ELMO1: variants seen among roughly 807,000 people sequenced by gnomAD.
The protein encoded by ELMO1 is engulfment and cell motility protein 1.
A neutral mutation model predicts 98.9 loss-of-function variants in ELMO1; 26 were observed. That is an observed-to-expected ratio of 0.26 (90% CI 0.19 to 0.36). The LOEUF is 0.36. Among genes scored for constraint, ELMO1 ranks in the 10% least tolerant of loss-of-function variants. ELMO1 has a pLI of 1.00. For missense variants in ELMO1, 627 were observed against 935.2 expected (o/e 0.67, Z 4.30); for synonymous variants, 346 against 346.0 (o/e 1.00, Z 0.00).
At chr7:37,388,371 G>T (rs1802905791) in intron 1 of ELMO1, among the ~76,000 whole-genome samples, 1 of 150,710 alleles carries the variant, frequency 6.6e-6, no homozygotes, top group African/African-American at 2.4e-5. Flanking sequence ...GTACAGTGTT[G>T]TAATAAGTAA....
chr7:36,929,094 T>G (rs1022263883), intron 16 of ELMO1, among the ~76,000 whole-genome samples: 1 of 152,242 alleles, frequency 6.6e-6, no homozygotes, highest in Non-Finnish European at 1.5e-5. Flanking sequence ...GGCTAGCAAG[T>G]AGCAGACTCT....
Position 36,870,471 on chromosome 7 carries a change from C to T in ELMO1, c.1827G>A (p.Pro609=), listed in dbSNP as rs1358304864. The T allele has an allele frequency of 1.4e-5, 22 of 1,613,446 alleles. No homozygotes were observed. Among genetic ancestry groups the T allele is most frequent in the South Asian group, 2.2e-5 (2 of 90,996 alleles). ...TCACCACGGCTTTGATATCTGCCAC[C>T]GGCACTGCAATTCATAAAAGAAAAT... The part of the protein sequence containing the change: ...VPHDSLQDKL[P]VADIKAVVTG... The change falls in exon 20 of 22, where the codon CCG becomes CCA. Residue 609 remains proline (P), a synonymous_variant. Coordinates refer to ENST00000310758, the MANE Select transcript of ELMO1 (RefSeq NM_014800.11). The surrounding 1 kb of genome is among the most constrained non-coding windows in gnomAD (Gnocchi z 4.4).
At chr7:37,005,996 A>C (rs894258405) in intron 16 of ELMO1, among the ~76,000 whole-genome samples, 3 of 152,162 alleles carry the variant, frequency 2.0e-5, no homozygotes, top group African/African-American at 7.2e-5. Context: ...GAGGAATCTG[A>C]AGCCAGCAGA....
chr7:37,104,391 G>A (rs763787042), intron 14 of ELMO1, among the ~76,000 whole-genome samples: 1 of 152,068 alleles, frequency 6.6e-6, no homozygotes, highest in Non-Finnish European at 1.5e-5. Context: ...GCTGCTGGGA[G>A]GCTCCCCTAG....
intron 1 of ELMO1, among the ~76,000 whole-genome samples, chr7:37,417,489 C>T (rs928065854): frequency 2.6e-5 from 4 of 152,082 alleles, no homozygotes; most frequent in African/African-American, 7.2e-5. Flanking sequence ...TGAAACCCTG[C>T]CTCTACTAAA....
chr7:37,108,394 A>AC (rs1446679230), intron 14 of ELMO1, among the ~76,000 whole-genome samples: 2 of 152,020 alleles, frequency 1.3e-5, no homozygotes, highest in Non-Finnish European at 2.9e-5. Flanking sequence ...TCCAGATGTC[A>AC]CTTTCTCCAT....
At chr7:36,889,540 T>C (rs1805371454) in intron 17 of ELMO1, among the ~76,000 whole-genome samples, 1 of 152,200 alleles carries the variant, frequency 6.6e-6, no homozygotes. Context: ...GAGAAAGAGT[T>C]TTGGAATTTC....
At chr7:36,934,426 C>A (rs2129087339) in intron 16 of ELMO1, among the ~76,000 whole-genome samples, 1 of 152,286 alleles carries the variant, frequency 6.6e-6, no homozygotes, top group East Asian at 1.9e-4. Flanking sequence ...GTCCCCTCTC[C>A]CGGCACATAG....
chr7:37,149,692 C>G (rs1306046553), intron 13 of ELMO1, among the ~76,000 whole-genome samples: 2 of 152,074 alleles, frequency 1.3e-5, no homozygotes, highest in African/African-American at 4.8e-5. Flanking sequence ...CTACCTGGCC[C>G]TTTATGGGAA....
intron 16 of ELMO1, among the ~76,000 whole-genome samples, chr7:36,983,329 T>C (rs1003373921): frequency 2.6e-5 from 4 of 152,228 alleles, no homozygotes; most frequent in African/African-American, 9.6e-5. Flanking sequence ...AATGGCGTTA[T>C]TAATAATTCA....
chr7:37,353,120 C>T (rs982679500), intron 1 of ELMO1: 1 of 152,230 alleles, frequency 6.6e-6, no homozygotes, highest in Non-Finnish European at 1.5e-5. Flanking sequence ...ATCCCCCAGC[C>T]AGCTATGGTC....
intron 16 of ELMO1, among the ~76,000 whole-genome samples, chr7:36,935,024 G>A (rs532289585): frequency 6.6e-6 from 1 of 152,160 alleles, no homozygotes; most frequent in Non-Finnish European, 1.5e-5. Flanking sequence ...AGGCTGTTTG[G>A]GTATTGCCTT....
chr7:37,268,720 T>C (rs190706937), intron 5 of ELMO1, among the ~76,000 whole-genome samples: 4 of 152,334 alleles, frequency 2.6e-5, no homozygotes, highest in Non-Finnish European at 5.9e-5. Context: ...GCAGCAGCCA[T>C]GTACAAGGCC....
chr7:37,366,766 T>A (rs75758836), intron 1 of ELMO1, among the ~76,000 whole-genome samples: 12,236 of 152,234 alleles, frequency 0.08, 603 homozygotes, highest in Middle Eastern at 0.12. Flanking sequence ...TTCTCCGAAC[T>A]CCTCTAACGG....
intron 7 of ELMO1, among the ~76,000 whole-genome samples, chr7:37,236,029 C>T (rs1327669842): frequency 6.6e-6 from 1 of 152,230 alleles, no homozygotes. Flanking sequence ...CATTAGTCTT[C>T]AGTAGCTCCT....
chr7:37,120,675 C>G (rs1268945859), intron 14 of ELMO1, among the ~76,000 whole-genome samples: 2 of 152,232 alleles, frequency 1.3e-5, no homozygotes, highest in Admixed American at 1.3e-4. Flanking sequence ...GGCCTGCCTG[C>G]CTCTGTAGAC....
At position 36,870,449 on chromosome 7, in the gene ELMO1, C is replaced by A; in HGVS notation, c.1849G>T (p.Val617Leu). ...ATATGAGGGCAGTCCTTTCCCGTCA[C>A]CACGGCTTTGATATCTGCCACCGGC... ...KLPVADIKAVVTGKDCPHMKE... is the reference protein window; with the variant it reads ...KLPVADIKAVLTGKDCPHMKE... The change falls in exon 20 of 22, where the codon GTG becomes TTG. Residue 617 changes from valine (V) to leucine (L), a missense_variant. Physicochemically the swap from Val to Leu is conservative, Grantham distance 32. Coordinates refer to ENST00000310758, the MANE Select transcript of ELMO1 (RefSeq NM_014800.11). This position sits in a 1 kb window ranked among gnomAD's most constrained non-coding sequence, Gnocchi z 4.4. The A allele has an allele frequency of 1.2e-6, 2 of 1,614,054 alleles. No homozygotes were observed. Among genetic ancestry groups the A allele is most frequent in the Admixed American group, 1.7e-5 (1 of 60,006 alleles).
intron 4 of ELMO1, among the ~76,000 whole-genome samples, chr7:37,282,543 T>C (rs1160969255): frequency 3.9e-5 from 6 of 152,072 alleles, no homozygotes; most frequent in Non-Finnish European, 8.8e-5. Context: ...CACAGCAATG[T>C]CTCCAGACAG....
At chr7:37,429,347 C>T (rs541141608) in intron 1 of ELMO1, 6 of 152,374 alleles carry the variant, frequency 3.9e-5, no homozygotes, top group Admixed American at 1.3e-4. Flanking sequence ...AACAGTTACC[C>T]CTGTAACAGT....
Sources: allele counts gnomAD v4.1 joint callset (sites outside exome capture counted in the v4.1 genomes callset), GRCh38; gene constraint gnomAD v4.1.1; non-coding constraint Gnocchi (gnomAD v3.1); transcripts MANE v1.5; gene names NCBI Gene and HGNC (gene_info 2026-07-23, HGNC 2026-07-21).